Variants in TG observed in about 807,000 individuals in gnomAD.
TG encodes thyroglobulin, also known as thyroid hormones.
In TG, 270 loss-of-function variants were observed where a neutral mutation model predicts 324.7. The observed-to-expected ratio is 0.83, with a 90% confidence interval of 0.75 to 0.92. The LOEUF is 0.92. TG is among the 40% of genes least tolerant of loss of function. The pLI is 0.00. For synonymous variants in TG, 1,401 were observed against 1,327.0 expected, an observed-to-expected ratio of 1.06 and a Z score of -1.21; for missense variants, 3,591 against 3,456.4, an observed-to-expected ratio of 1.04 and a Z score of -0.98.
rs869768 is a variant in TG, at chr8:133,018,373, G to A, written c.6782+376G>A. The stretch of plus-strand genomic sequence containing the variant: ...GACAGGAGAGGTTCCCATAGAATAA[G>A]CCTGGAAGTGGGGTTCACACATCAC... On this transcript the variant is annotated intron_variant, in intron 38 of 47. Coordinates refer to ENST00000220616, the MANE Select transcript of TG (RefSeq NM_003235.5). Among the ~76,000 whole-genome samples the A allele has an allele frequency of 7.3e-3, 1,109 of 152,274 alleles. 7 individuals are homozygous for A. The highest frequency in any genetic ancestry group is 0.011 in the Non-Finnish European group (781 of 68,024).
chr8:132,945,271 G>C (rs182627151), intron 26 of TG, among the ~76,000 whole-genome samples: 19 of 152,214 alleles, frequency 1.2e-4, no homozygotes, highest in African/African-American at 4.6e-4. Context: ...AGTGGAGAGG[G>C]GGAATAGAAG....
intron 41 of TG, among the ~76,000 whole-genome samples, chr8:133,042,294 G>A (rs1010732669): frequency 6.6e-6 from 1 of 152,118 alleles, no homozygotes; most frequent in African/African-American, 2.4e-5. Context: ...TGTCTACATG[G>A]CTCATCAGAA....
At chr8:133,040,611 C>A (rs1049138317) in intron 41 of TG, among the ~76,000 whole-genome samples, 3 of 150,930 alleles carry the variant, frequency 2.0e-5, no homozygotes, top group African/African-American at 7.3e-5. Context: ...TGTGCATTTA[C>A]AATGGAACAG....
At chr8:132,924,347 A>AATGGTACCAGT (rs1345231212) in intron 22 of TG, among the ~76,000 whole-genome samples, 1 of 152,162 alleles carries the variant, frequency 6.6e-6, no homozygotes, top group Non-Finnish European at 1.5e-5. Flanking sequence ...CAGGCCATGG[A>AATGGTACCAGT]CTGGTACCAG....
chr8:133,052,515 TC>T (rs1840606168), intron 41 of TG, among the ~76,000 whole-genome samples: 1 of 152,150 alleles, frequency 6.6e-6, no homozygotes, highest in African/African-American at 2.4e-5. Context: ...CTGCAGACCT[TC>T]CCCAAACCTG....
At chr8:132,968,232 A>G (rs1828919562) in intron 31 of TG, among the ~76,000 whole-genome samples, 1 of 152,238 alleles carries the variant, frequency 6.6e-6, no homozygotes, top group African/African-American at 2.4e-5. Flanking sequence ...TTAAAAAAAT[A>G]AAACCCAAAA....
chr8:132,971,969 C>T (rs1310865400), intron 33 of TG, 96 bp downstream of exon 33: 6 of 906,928 alleles, frequency 6.6e-6, no homozygotes, highest in Admixed American at 1.8e-5. Context: ...TCAGCATCTC[C>T]TATCCTCGTT....
chr8:132,993,186 C>G (rs898690372), intron 35 of TG, among the ~76,000 whole-genome samples: 4 of 152,190 alleles, frequency 2.6e-5, no homozygotes, highest in African/African-American at 7.2e-5. Flanking sequence ...AGATATAAGT[C>G]TCCACTTTGA....
intron 27 of TG, among the ~76,000 whole-genome samples, chr8:132,949,791 C>T (rs1009111932): frequency 2.0e-5 from 3 of 152,226 alleles, no homozygotes; most frequent in Admixed American, 6.5e-5. Flanking sequence ...GCCCCAGCCT[C>T]TCAGTTTCCA....
rs144050001 is a variant in TG, at chr8:133,113,515, G to A, written c.7666G>A (p.Val2556Ile). The change falls in exon 44 of 48, where the codon GTC becomes ATC. Residue 2556 changes from valine (V) to isoleucine (I), a missense_variant. Transcript: ENST00000220616. The stretch of plus-strand genomic sequence containing the variant: ...GGGTGGCGAGGACTCAGATGCCCGC[G>A]TCGAGGCTGCTGCTACATGGTATTA... ...SLGGEDSDAR[V>I]EAAATWYYSL... is the part of the protein sequence containing the mutation. The A allele has an allele frequency of 1.0e-4, 167 of 1,614,028 alleles. No individual in the cohort carries two copies. The highest frequency in any genetic ancestry group is 8.4e-4 in the African/African-American group (63 of 74,968).
chr8:133,086,542 C>T (rs1846591528), intron 41 of TG, among the ~76,000 whole-genome samples: 1 of 152,008 alleles, frequency 6.6e-6, no homozygotes, highest in Non-Finnish European at 1.5e-5. Context: ...TTTTTATTAT[C>T]TTTTTGATGA....
Position 132,966,654 on chromosome 8 carries a change from G to C in TG, c.5643G>C (p.Lys1881Asn). The C allele has an allele frequency of 6.2e-7, 1 of 1,614,056 alleles. No individual in the cohort carries two copies. Among genetic ancestry groups the C allele is most frequent in the Non-Finnish European group, 8.5e-7 (1 of 1,179,994 alleles). ...CCAGCCAGAAGCACTGGCTTTTCAA[G>C]CACCTGTTTTCAGCCCAGCAGGCAA... The part of the protein sequence containing the change: ...SLSSQKHWLF[K>N]HLFSAQQANL... Residue 1881 changes from lysine (K) to asparagine (N), a missense_variant, in exon 30 of 48, where the codon AAG (lysine) becomes AAC (asparagine). Lys to Asn is a moderately conservative substitution (Grantham distance 94). Coordinates refer to ENST00000220616, the MANE Select transcript of TG (RefSeq NM_003235.5).
intron 26 of TG, among the ~76,000 whole-genome samples, chr8:132,945,975 A>T (rs900925902): frequency 6.6e-6 from 1 of 152,056 alleles, no homozygotes; most frequent in African/African-American, 2.4e-5. Flanking sequence ...TTCCTTCTAC[A>T]TTTAATGTTC....
intron 41 of TG, among the ~76,000 whole-genome samples, chr8:133,054,684 C>T (rs1841033770): frequency 6.6e-6 from 1 of 152,180 alleles, no homozygotes. Flanking sequence ...AAAATGAACT[C>T]CACTTGGTGA....
chr8:133,110,060 A>G (rs560004063), intron 43 of TG, among the ~76,000 whole-genome samples: 16 of 152,300 alleles, frequency 1.1e-4, no homozygotes, highest in African/African-American at 3.1e-4. Flanking sequence ...AGACCTCAGT[A>G]TAGCTCCCTC....
In TG at chr8:133,123,302, G is replaced by A. The variant is rs568159568; in HGVS notation, c.7862+6586G>A. Reference sequence around the variant, plus strand: ...CCCTTGGAACCCCCTCAAGCAGATGGAGTGTGCCAGAGAAACAGAGGGGTG... The same window carrying A: ...CCCTTGGAACCCCCTCAAGCAGATGAAGTGTGCCAGAGAAACAGAGGGGTG... On this transcript the variant is annotated intron_variant, in intron 45 of 47. Transcript: ENST00000220616. Among the ~76,000 whole-genome samples, 3 of 152,092 alleles carry A rather than the reference G, an allele frequency of 2.0e-5. No individual in the cohort carries two copies. In the East Asian group the frequency reaches 5.9e-4, roughly 30 times the overall value.
intron 34 of TG, among the ~76,000 whole-genome samples, chr8:132,982,484 T>A (rs1831004089): frequency 6.6e-6 from 1 of 152,216 alleles, no homozygotes; most frequent in Non-Finnish European, 1.5e-5. Flanking sequence ...ATTTAATGTT[T>A]ACATCATCTT....
intron 23 of TG, among the ~76,000 whole-genome samples, chr8:132,930,372 T>C (rs1204847493): frequency 6.6e-6 from 1 of 152,188 alleles, no homozygotes; most frequent in Non-Finnish European, 1.5e-5. Flanking sequence ...GTGCGTGCAC[T>C]GTGACACAGC....
intron 34 of TG, among the ~76,000 whole-genome samples, chr8:132,978,132 G>A (rs1830400725): frequency 6.6e-6 from 1 of 152,242 alleles, no homozygotes; most frequent in South Asian, 2.1e-4. Context: ...CATGGCACCA[G>A]CATCTGCCCA....
Sources: gnomAD v4.1 joint callset for allele counts (sites outside exome capture counted in the v4.1 genomes callset) on GRCh38, gnomAD v4.1.1 for gene constraint, MANE v1.5 for transcripts, NCBI Gene and HGNC (gene_info 2026-07-23, HGNC 2026-07-21) for gene names.